HS6ST3: variants seen among roughly 807,000 people sequenced by gnomAD.
The protein encoded by HS6ST3 is heparan-sulfate 6-O-sulfotransferase 3.
A neutral mutation model predicts 36.7 loss-of-function variants in HS6ST3; 12 were observed. The ratio of observed to expected loss-of-function variants is 0.33; its 90% confidence interval spans 0.21 to 0.53. The LOEUF (loss-of-function observed/expected upper bound fraction) is 0.53, where lower values mean the gene tolerates loss of function less well. Among genes scored for constraint, HS6ST3 ranks in the 20% least tolerant of loss-of-function variants. The pLI is 0.95. For missense variants in HS6ST3, 584 were observed against 640.9 expected (o/e 0.91, Z 0.96); for synonymous variants, 240 against 257.5 (o/e 0.93, Z 0.65).
intron 1 of HS6ST3, among the ~76,000 whole-genome samples, chr13:96,787,617 A>G (rs1464776456): frequency 2.6e-5 from 4 of 151,926 alleles, no homozygotes; most frequent in Non-Finnish European, 5.9e-5. Context: ...ATTTCTAATT[A>G]AGTTGTCATT....
chr13:96,156,151 A>G (rs1472085390), intron 1 of HS6ST3, among the ~76,000 whole-genome samples: 1 of 152,220 alleles, frequency 6.6e-6, no homozygotes, highest in Non-Finnish European at 1.5e-5. Flanking sequence ...GTGAAGAGTC[A>G]TAGAAGCCCG....
At chr13:96,313,908 A>C (rs923677056) in intron 1 of HS6ST3, among the ~76,000 whole-genome samples, 10 of 152,102 alleles carry the variant, frequency 6.6e-5, no homozygotes, top group African/African-American at 2.2e-4. Flanking sequence ...TTTGCCTAAA[A>C]TCCTCCCCAA....
At chr13:96,092,471 C>T (rs1284491429) in intron 1 of HS6ST3, among the ~76,000 whole-genome samples, 1 of 152,186 alleles carries the variant, frequency 6.6e-6, no homozygotes, top group African/African-American at 2.4e-5. Flanking sequence ...TTGAGAGAGA[C>T]ATGGGCTTAA....
intron 1 of HS6ST3, among the ~76,000 whole-genome samples, chr13:96,351,335 T>TTTTTTTTTA (rs1203595829): frequency 2.0e-5 from 3 of 146,366 alleles, no homozygotes; most frequent in African/African-American, 5.2e-5. Flanking sequence ...TTTTTTTTTT[T>TTTTTTTTTA]AAAAAAAACA....
intron 1 of HS6ST3, among the ~76,000 whole-genome samples, chr13:96,290,596 T>C (rs1371548473): frequency 6.6e-6 from 1 of 152,096 alleles, no homozygotes; most frequent in Non-Finnish European, 1.5e-5. Context: ...CATGATCTCT[T>C]GCCTGCATTA....
At chr13:96,214,214 G>A (rs557768166) in intron 1 of HS6ST3, among the ~76,000 whole-genome samples, 1 of 152,204 alleles carries the variant, frequency 6.6e-6, no homozygotes, top group South Asian at 2.1e-4. Context: ...ATAAGGCTTT[G>A]TGTCCCCACC....
intron 1 of HS6ST3, among the ~76,000 whole-genome samples, chr13:96,563,326 A>T (rs1412448879): frequency 1.3e-5 from 2 of 152,102 alleles, no homozygotes; most frequent in Non-Finnish European, 2.9e-5. Context: ...AAGAAATCAA[A>T]CCCCAGGTAT....
chr13:96,178,704 C>G (rs1347578349), intron 1 of HS6ST3, among the ~76,000 whole-genome samples: 1 of 152,122 alleles, frequency 6.6e-6, no homozygotes, highest in Non-Finnish European at 1.5e-5. Context: ...TCATTCCTAT[C>G]AGATGCCCAT....
intron 1 of HS6ST3, among the ~76,000 whole-genome samples, chr13:96,495,984 A>G (rs2055973442): frequency 6.6e-6 from 1 of 152,108 alleles, no homozygotes; most frequent in African/African-American, 2.4e-5. Context: ...CACCGCCTCA[A>G]CCCCGTGTTA....
chr13:96,237,926 T>G (rs2054542194), intron 1 of HS6ST3, among the ~76,000 whole-genome samples: 1 of 152,196 alleles, frequency 6.6e-6, no homozygotes, highest in African/African-American at 2.4e-5. Flanking sequence ...CAGCTAAACC[T>G]GGGCCTTGGT....
At chr13:96,753,756 A>T (rs985528211) in intron 1 of HS6ST3, among the ~76,000 whole-genome samples, 1 of 152,194 alleles carries the variant, frequency 6.6e-6, no homozygotes, top group African/African-American at 2.4e-5. Flanking sequence ...CAGATAGTGG[A>T]CATACTTGTC....
At chr13:96,131,670 T>C (rs2139311881) in intron 1 of HS6ST3, among the ~76,000 whole-genome samples, 1 of 152,216 alleles carries the variant, frequency 6.6e-6, no homozygotes, top group East Asian at 1.9e-4. Flanking sequence ...AATTGAAATT[T>C]TGTATCCTTT....
At chr13:96,693,952 GCAGT>G (rs1180737387) in intron 1 of HS6ST3, among the ~76,000 whole-genome samples, 3 of 152,104 alleles carry the variant, frequency 2.0e-5, no homozygotes, top group Non-Finnish European at 4.4e-5. Context: ...CTGAGCTTGA[GCAGT>G]CATTTCCTTC....
At chr13:96,655,514 T>G (rs1464971101) in intron 1 of HS6ST3, among the ~76,000 whole-genome samples, 1 of 152,156 alleles carries the variant, frequency 6.6e-6, no homozygotes, top group Non-Finnish European at 1.5e-5. Flanking sequence ...GTATCTATCC[T>G]GAAATTGTCT....
At chr13:96,697,431 T>C (rs1875158927) in intron 1 of HS6ST3, among the ~76,000 whole-genome samples, 1 of 151,450 alleles carries the variant, frequency 6.6e-6, no homozygotes, top group Non-Finnish European at 1.5e-5. Flanking sequence ...AAGGAGAAAA[T>C]AGAAAAGAGA....
intron 1 of HS6ST3, among the ~76,000 whole-genome samples, chr13:96,345,398 G>A (rs2055148826): frequency 6.6e-6 from 1 of 152,084 alleles, no homozygotes; most frequent in South Asian, 2.1e-4. Context: ...TTAGGTGTGT[G>A]TGCATATATC....
At chr13:96,624,418 A>C (rs1394898445) in intron 1 of HS6ST3, among the ~76,000 whole-genome samples, 3 of 152,254 alleles carry the variant, frequency 2.0e-5, no homozygotes, top group Non-Finnish European at 2.9e-5. Context: ...AAATGGAAGA[A>C]TAGAGTTTAT....
At chr13:96,450,374 T>C (rs1035450086) in intron 1 of HS6ST3, among the ~76,000 whole-genome samples, 1 of 152,184 alleles carries the variant, frequency 6.6e-6, no homozygotes, top group Non-Finnish European at 1.5e-5. Flanking sequence ...GAACAGAACA[T>C]TGATGTTCGT....
intron 1 of HS6ST3, among the ~76,000 whole-genome samples, chr13:96,372,362 T>G (rs1315318355): frequency 6.6e-6 from 1 of 152,204 alleles, no homozygotes; most frequent in Non-Finnish European, 1.5e-5. Context: ...ATGAATTCCT[T>G]GTATATTTTG....
Sources: allele counts gnomAD v4.1 joint callset (sites outside exome capture counted in the v4.1 genomes callset), GRCh38; gene constraint gnomAD v4.1.1; transcripts MANE v1.5; gene names NCBI Gene and HGNC (gene_info 2026-07-23, HGNC 2026-07-21).